The following GSE1 variants were observed in gnomAD, a reference collection of about 807,000 sequenced individuals.
The protein encoded by GSE1 is genetic suppressor element 1.
Under a neutral mutation model 112.6 loss-of-function variants are expected in GSE1, and 32 were observed. That is an observed-to-expected ratio of 0.28 (90% CI 0.21 to 0.38). The LOEUF (loss-of-function observed/expected upper bound fraction) is 0.38. Ranked by LOEUF, GSE1 falls within the 10% of genes least tolerant of loss-of-function variation. GSE1 has a pLI of 1.00. For synonymous variants in GSE1, 1,115 were observed against 735.6 expected (o/e 1.52, Z -8.35); for missense variants, 2,348 against 1,699.2 (o/e 1.38, Z -6.71).
At chr16:85,389,934 G>C (rs961639990) in intron 2 of GSE1, among the ~76,000 whole-genome samples, 9 of 152,210 alleles carry the variant, frequency 5.9e-5, no homozygotes, top group African/African-American at 2.2e-4. Flanking sequence ...ACCCCGTGGA[G>C]TCAGGCTCTT....
chr16:85,519,220 A>G (rs2052055302), intron 2 of GSE1, among the ~76,000 whole-genome samples: 2 of 143,864 alleles, frequency 1.4e-5, no homozygotes, highest in Admixed American at 6.9e-5. Flanking sequence ...CTTCACCACC[A>G]TCTGTATCAT....
chr16:85,187,954 C>A (rs1452932710), intron 1 of GSE1, among the ~76,000 whole-genome samples: 1 of 152,248 alleles, frequency 6.6e-6, no homozygotes, highest in African/African-American at 2.4e-5. Flanking sequence ...TCCCTTCCCC[C>A]ACCTGGACCA....
chr16:85,661,793 C>T (rs1484645128), intron 9 of GSE1, 28 bp downstream of exon 9: 12 of 1,474,520 alleles, frequency 8.1e-6, no homozygotes, highest in South Asian at 4.1e-5. Context: ...CCCCGAGCTG[C>T]TCAGGGAGAG....
intron 1 of GSE1, chr16:85,286,085 C>G (rs1448965431): frequency 6.6e-6 from 1 of 152,336 alleles, no homozygotes; most frequent in Non-Finnish European, 1.5e-5. Context: ...TCCCCGGTCC[C>G]GAGCTGCTGA....
rs772806658 is a variant in GSE1, at chr16:85,655,774, C to A, written c.846C>A (p.Pro282=). 57 of 1,609,966 alleles carry A rather than the reference C, an allele frequency of 3.5e-5. No homozygotes were observed. In the Middle Eastern group the frequency reaches 1.8e-3, roughly 51 times the overall value. The change falls in exon 6 of 16, where the codon CCC becomes CCA. Residue 282 remains proline (P), a synonymous_variant. Coordinates refer to ENST00000253458, the MANE Select transcript of GSE1 (RefSeq NM_014615.5). ...CTGCCCTGAGGTCCCCGTTCTACCCCATCCCCACCCCCGGCTCCCTGCCCC... is the reference window on the plus strand; with the variant it reads ...CTGCCCTGAGGTCCCCGTTCTACCCAATCCCCACCCCCGGCTCCCTGCCCC... The part of the protein sequence containing the change: ...CLSALRSPFY[P]IPTPGSLPPL...
intron 2 of GSE1, among the ~76,000 whole-genome samples, chr16:85,460,899 G>T (rs2049951573): frequency 6.6e-6 from 1 of 152,238 alleles, no homozygotes; most frequent in Non-Finnish European, 1.5e-5. Flanking sequence ...AGGACGTGAA[G>T]TCTGATGACA....
intron 2 of GSE1, among the ~76,000 whole-genome samples, chr16:85,454,730 A>T (rs1388157990): frequency 6.6e-6 from 1 of 151,228 alleles, no homozygotes; most frequent in African/African-American, 2.4e-5. Flanking sequence ...GAGGCTTGGC[A>T]CTCCTTGCCG....
chr16:85,263,834 A>G (rs1032927342), intron 1 of GSE1, among the ~76,000 whole-genome samples: 4 of 152,034 alleles, frequency 2.6e-5, no homozygotes, highest in African/African-American at 9.7e-5. Flanking sequence ...CGGCCTCCCA[A>G]AGTGCTGGGA....
intron 1 of GSE1, chr16:85,285,196 GA>G (rs1446926354): frequency 6.6e-6 from 1 of 152,240 alleles, no homozygotes; most frequent in Non-Finnish European, 1.5e-5. Context: ...CCTGTGACAT[GA>G]AGCGCCAAGG....
chr16:85,604,943 G>C (rs1285517425), intron 1 of GSE1, among the ~76,000 whole-genome samples: 2 of 130,010 alleles, frequency 1.5e-5, no homozygotes, highest in African/African-American at 5.9e-5. Flanking sequence ...TCAGCCTCCC[G>C]AGTAGCTGGG....
chr16:85,636,108 C>T (rs564518069), intron 2 of GSE1, among the ~76,000 whole-genome samples: 11 of 152,372 alleles, frequency 7.2e-5, no homozygotes, highest in Admixed American at 2.6e-4. Context: ...ACCATGGCCT[C>T]GTGGCCCTGC....
intron 1 of GSE1, among the ~76,000 whole-genome samples, chr16:85,581,761 G>A (rs1245426763): frequency 6.6e-6 from 1 of 152,160 alleles, no homozygotes; most frequent in African/African-American, 2.4e-5. Context: ...GCCCTTCCTT[G>A]AGAGGAGGGC....
At chr16:85,653,793 A>T (rs1031266694) in intron 3 of GSE1, among the ~76,000 whole-genome samples, 11 of 152,156 alleles carry the variant, frequency 7.2e-5, no homozygotes, top group Non-Finnish European at 4.4e-5. Context: ...CACCAGGGCC[A>T]GGACATCTGC....
intron 2 of GSE1, chr16:85,490,593 G>A (rs12926890): frequency 0.3 from 46,387 of 152,212 alleles, 8,745 homozygotes; most frequent in Non-Finnish European, 0.41. Flanking sequence ...GGAGGTGCCC[G>A]GTCACCGCAG....
chr16:85,661,638 C>T lies in GSE1; in HGVS notation c.2133C>T (p.Pro711=), dbSNP rs764661627. The part of the protein sequence containing the change: ...ELSGPLKPGS[P]YRPPVPRAPD... ...GCGGACCCCTGAAGCCTGGCTCGCC[C>T]TACCGGCCCCCAGTGCCACGGGCCC... Residue 711 remains proline, a synonymous_variant, in exon 9 of 16, where the codon CCC becomes CCT. Coordinates refer to ENST00000253458, the MANE Select transcript of GSE1 (RefSeq NM_014615.5). 1.2e-6 allele frequency: 2 copies of T among 1,611,442 alleles called. No individual in the cohort carries two copies. Among genetic ancestry groups the T allele is most frequent in the South Asian group, 1.1e-5 (1 of 90,950 alleles).
At chr16:85,552,827 C>T (rs1388366754), upstream of GSE1, among the ~76,000 whole-genome samples, 1 of 152,230 alleles carries the variant, frequency 6.6e-6, no homozygotes. Flanking sequence ...TCCCTCTGTA[C>T]CATGCCTGTG....
At chr16:85,360,610 C>T (rs1356164991) in intron 2 of GSE1, among the ~76,000 whole-genome samples, 1 of 152,106 alleles carries the variant, frequency 6.6e-6, no homozygotes, top group African/African-American at 2.4e-5. Context: ...CCCAGCTGTG[C>T]ACTGCCAGCT....
At chr16:85,648,997 C>G (rs1346395545) in intron 3 of GSE1, among the ~76,000 whole-genome samples, 1 of 152,078 alleles carries the variant, frequency 6.6e-6, no homozygotes, top group Admixed American at 6.5e-5. Context: ...TGGGGGTGTC[C>G]CGTTATTTTC....
intron 1 of GSE1, among the ~76,000 whole-genome samples, chr16:85,303,679 G>T (rs930421064): frequency 2.0e-5 from 3 of 152,258 alleles, no homozygotes; most frequent in Non-Finnish European, 4.4e-5. Flanking sequence ...GAAACACGGC[G>T]GTGCGGGCAG....
Sources: allele counts gnomAD v4.1 joint callset (sites outside exome capture counted in the v4.1 genomes callset), GRCh38; gene constraint gnomAD v4.1.1; transcripts MANE v1.5; gene names NCBI Gene and HGNC (gene_info 2026-07-23, HGNC 2026-07-21).